TUSC3: variants seen among roughly 807,000 people sequenced by gnomAD.
TUSC3 encodes the protein dolichyl-diphosphooligosaccharide--protein glycosyltransferase subunit TUSC3.
TUSC3 carries 45 observed loss-of-function variants against 44.8 expected under a neutral mutation model. That is an observed-to-expected ratio of 1.00 (90% CI 0.79 to 1.29). The LOEUF (loss-of-function observed/expected upper bound fraction) is 1.29. Among genes scored for constraint, TUSC3 ranks in the 50% most tolerant of loss-of-function variants. The pLI is 0.00. For missense variants in TUSC3, 519 were observed against 437.9 expected (o/e 1.19, Z -1.65); for synonymous variants, 212 against 152.9 (o/e 1.39, Z -2.85).
chr8:15,472,961 A>T (rs1585057568), intron 1 of TUSC3, among the ~76,000 whole-genome samples: 1 of 152,164 alleles, frequency 6.6e-6, no homozygotes, highest in Non-Finnish European at 1.5e-5. Flanking sequence ...CAGTGAGGTT[A>T]TGCACCCTGC....
intron 6 of TUSC3, among the ~76,000 whole-genome samples, chr8:15,714,425 T>C (rs1014213353): frequency 3.3e-5 from 5 of 152,160 alleles, no homozygotes; most frequent in Admixed American, 1.3e-4. Flanking sequence ...GTGTTTGAAT[T>C]ATCACAAATT....
chr8:15,644,658 A>C (rs530928271), intron 2 of TUSC3, among the ~76,000 whole-genome samples: 2 of 152,184 alleles, frequency 1.3e-5, no homozygotes, highest in African/African-American at 4.8e-5. Flanking sequence ...AATGGGGGTA[A>C]GTATGCATAG....
Position 15,720,251 on chromosome 8 carries a change from T to TACTG in TUSC3, c.799-10414_799-10413insCTGA, listed in dbSNP as rs1810252599. ...ACACACACAGAGAGAACATTTCTCA[T>TACTG]ATACCTTGATTCACACTGATAGTTT... On this transcript the variant is annotated intron_variant, in intron 6 of 10. Transcript: ENST00000503731. Among the ~76,000 whole-genome samples the TACTG allele has an allele frequency of 2.8e-5, 4 of 140,504 alleles. No individual in the cohort carries two copies. In the South Asian group the frequency reaches 9.6e-4, roughly 34 times the overall value. 92.2% of individuals were successfully genotyped at this position (140,504 alleles called of 152,430 possible).
the TUSC3 span, among the ~76,000 whole-genome samples, chr8:15,773,566 CT>C: frequency 6.6e-6 from 1 of 152,082 alleles, no homozygotes; most frequent in African/African-American, 2.4e-5. Flanking sequence ...ATCCAGTGGC[CT>C]TTTTGCAAAA....
chr8:15,635,960 A>G (rs1296278791), intron 2 of TUSC3, among the ~76,000 whole-genome samples: 1 of 152,172 alleles, frequency 6.6e-6, no homozygotes, highest in Non-Finnish European at 1.5e-5. Context: ...TGTTCAAAAG[A>G]TAGATGTTTC....
chr8:15,571,748 T>C (rs1355202846), intron 1 of TUSC3, among the ~76,000 whole-genome samples: 1 of 152,210 alleles, frequency 6.6e-6, no homozygotes, highest in African/African-American at 2.4e-5. Flanking sequence ...AATTGGAGTC[T>C]GTCCTCTCAA....
chr8:15,761,690 A>G (rs185231541), intron 10 of TUSC3, among the ~76,000 whole-genome samples: 2 of 152,312 alleles, frequency 1.3e-5, no homozygotes, highest in East Asian at 3.9e-4. Context: ...TGATCGTGGT[A>G]CCCAAGGCTG....
At chr8:15,813,619 C>G in the TUSC3 span, among the ~76,000 whole-genome samples, 5 of 152,072 alleles carry the variant, frequency 3.3e-5, no homozygotes, top group South Asian at 6.2e-4. Flanking sequence ...GTATATGATT[C>G]TAAGAAATGT....
At chr8:15,570,456 A>AT (rs1467441509) in intron 1 of TUSC3, among the ~76,000 whole-genome samples, 1 of 152,034 alleles carries the variant, frequency 6.6e-6, no homozygotes, top group Non-Finnish European at 1.5e-5. Flanking sequence ...GGCCTATGTC[A>AT]TTTTTTTCCC....
intron 2 of TUSC3, among the ~76,000 whole-genome samples, chr8:15,632,746 C>T (rs1027131655): frequency 6.6e-6 from 1 of 152,098 alleles, no homozygotes; most frequent in Non-Finnish European, 1.5e-5. Context: ...CCTCACTTAC[C>T]TTTTGTTTTG....
At chr8:15,698,879 C>T (rs1809280971) in intron 6 of TUSC3, among the ~76,000 whole-genome samples, 1 of 150,104 alleles carries the variant, frequency 6.7e-6, no homozygotes, top group African/African-American at 2.5e-5. Context: ...AGGGTCTTCT[C>T]CTGTGGCCCA....
At chr8:15,575,424 T>A (rs1005148287) in intron 1 of TUSC3, among the ~76,000 whole-genome samples, 17 of 152,140 alleles carry the variant, frequency 1.1e-4, no homozygotes, top group Non-Finnish European at 2.4e-4. Flanking sequence ...CATATGTGTG[T>A]ACATTCATTG....
chr8:15,471,125 A>T (rs573323123), intron 1 of TUSC3, among the ~76,000 whole-genome samples: 1 of 94,324 alleles, frequency 1.1e-5, no homozygotes, highest in East Asian at 3.5e-4. Flanking sequence ...AGGTGCAAAC[A>T]TTTCTTTGAT....
At chr8:15,541,542 C>T (rs1801692748) in intron 1 of TUSC3, among the ~76,000 whole-genome samples, 2 of 152,040 alleles carry the variant, frequency 1.3e-5, no homozygotes, top group South Asian at 4.1e-4. Context: ...TGAAAAAATA[C>T]CCTCATATGC....
chr8:15,772,981 A>ACTCAACAAAATAGGAATAAAAAGATTTT, the TUSC3 span, among the ~76,000 whole-genome samples: 1 of 151,466 alleles, frequency 6.6e-6, no homozygotes, highest in East Asian at 1.9e-4. Flanking sequence ...GAACACAAAC[A>ACTCAACAAAATAGGAATAAAAAGATTTT]CTCAACATTA....
At chr8:15,730,580 T>G (rs1402281910) in intron 6 of TUSC3, 86 bp from the exon 7 acceptor site, 1 of 1,306,168 alleles carries the variant, frequency 7.7e-7, no homozygotes, top group African/African-American at 1.5e-5. Flanking sequence ...AATTAGATTT[T>G]TCCATTGTTT....
At position 15,700,849 on chromosome 8, in the gene TUSC3, C is replaced by CTTTTTTTTTTTTTTTTTTTTT. The variant is rs71211076; in HGVS notation, c.798+27031_798+27032insTTTTTTTTTTTTTTTTTTTTT. ...CTTTCACTAGAGGGAATGGCTGGAG[C>CTTTTTTTTTTTTTTTTTTTTT]TTTTTTTTTTTTTTTTTTGCTTTGC... On this transcript the variant is annotated intron_variant, in intron 6 of 10. Transcript: ENST00000503731. Among the ~76,000 whole-genome samples, 67 of 90,534 alleles carry CTTTTTTTTTTTTTTTTTTTTT rather than the reference C, an allele frequency of 7.4e-4. 9 individuals are homozygous for CTTTTTTTTTTTTTTTTTTTTT. The highest frequency in any genetic ancestry group is 2.0e-3 in the East Asian group (5 of 2,556). The allele number at this position is 90,534 out of a possible 152,430, so 59.4% of individuals were successfully genotyped here.
the TUSC3 span, among the ~76,000 whole-genome samples, chr8:15,832,001 C>T: frequency 6.6e-6 from 1 of 152,022 alleles, no homozygotes; most frequent in Non-Finnish European, 1.5e-5. Flanking sequence ...TCAGATTCTC[C>T]AAGGTCAAAA....
At chr8:15,708,934 T>C (rs949587892) in intron 6 of TUSC3, among the ~76,000 whole-genome samples, 1 of 151,948 alleles carries the variant, frequency 6.6e-6, no homozygotes, top group African/African-American at 2.4e-5. Context: ...CTGAGTCTTA[T>C]GTAAAGTAAA....
Sources: allele counts gnomAD v4.1 joint callset (sites outside exome capture counted in the v4.1 genomes callset), GRCh38; gene constraint gnomAD v4.1.1; transcripts MANE v1.5; gene names NCBI Gene and HGNC (gene_info 2026-07-23, HGNC 2026-07-21).